PATJ: variants seen among roughly 807,000 people sequenced by gnomAD.
PATJ encodes inaD-like protein.
In PATJ, 190 loss-of-function variants were observed where a neutral mutation model predicts 224.9. That is an observed-to-expected ratio of 0.84 (90% CI 0.75 to 0.95). The LOEUF is 0.95. Ranked by LOEUF, PATJ falls within the 40% of genes least tolerant of loss-of-function variation. The pLI is 0.00. For synonymous variants in PATJ, 769 were observed against 820.3 expected (o/e 0.94, Z 1.07); for missense variants, 2,121 against 2,270.3 (o/e 0.93, Z 1.34).
chr1:61,805,369 A>G, intron 12 of PATJ, 79 bp from the exon 13 acceptor site: 1 of 853,860 alleles, frequency 1.2e-6, no homozygotes, highest in Non-Finnish European at 1.9e-6. Context: ...CTGTTATTGA[A>G]GAATTTAGCA....
intron 41 of PATJ, among the ~76,000 whole-genome samples, chr1:62,147,122 T>C (rs899280717): frequency 1.3e-5 from 2 of 152,138 alleles, no homozygotes; most frequent in Non-Finnish European, 2.9e-5. Context: ...AGGTACAGAT[T>C]CAGGGATTAT....
rs1028622581 is a variant in PATJ, at chr1:62,068,424, C to G, written c.4126-11026C>G. Among the ~76,000 whole-genome samples, 7 of 152,308 alleles carry G rather than the reference C, an allele frequency of 4.6e-5. No individual in the cohort carries two copies. The South Asian group carries it at 6.2e-4, about 14-fold the overall frequency. On this transcript the variant is annotated intron_variant, in intron 31 of 43. Transcript: ENST00000642238. The stretch of plus-strand genomic sequence containing the variant: ...AGAGGCCTGCTGCTGCCAGGGTTCT[C>G]TCTGTTTATCTGACTTTCCTCCTGC...
In PATJ at chr1:61,869,033, A is replaced by C. The variant is rs115432154; in HGVS notation, c.2835+4400A>C. On this transcript the variant is annotated intron_variant, in intron 20 of 43. Coordinates refer to ENST00000642238, the MANE Select transcript of PATJ (RefSeq NM_001350145.3). The stretch of plus-strand genomic sequence containing the variant: ...AGGGAGGGCAGAAAAAGCTTCTATG[A>C]GAAGAACAACTAGGTTTGTTTAGGA... Among the ~76,000 whole-genome samples, 329 of 152,190 alleles carry C rather than the reference A, an allele frequency of 2.2e-3. 2 individuals carry two copies. Among genetic ancestry groups the C allele is most frequent in the African/African-American group, 7.8e-3 (322 of 41,542 alleles).
Position 62,148,276 on chromosome 1 carries a change from T to C in PATJ, c.5272-8T>C. ...TAATGAAATACCTTTTTTTCACTTT[T>C]TCCCCAGGTTGTAGCAGATACCAAT... is the stretch of plus-strand genomic sequence containing the variant. On this transcript the variant is annotated splice_polypyrimidine_tract_variant and splice_region_variant and intron_variant, in intron 41 of 43. Transcript: ENST00000642238. 1 of 1,603,952 alleles carries C rather than the reference T, an allele frequency of 6.2e-7. No individual in the cohort carries two copies. The highest frequency in any genetic ancestry group is 8.5e-7 in the Non-Finnish European group (1 of 1,170,904).
chr1:62,131,514 A>T (rs1233725429), intron 41 of PATJ, among the ~76,000 whole-genome samples: 1 of 152,040 alleles, frequency 6.6e-6, no homozygotes, highest in East Asian at 1.9e-4. Flanking sequence ...CAGGTGTGGT[A>T]GCGCATGCCT....
At chr1:61,750,079 G>A (rs929158153) in intron 1 of PATJ, among the ~76,000 whole-genome samples, 2 of 152,218 alleles carry the variant, frequency 1.3e-5, no homozygotes, top group African/African-American at 2.4e-5. Flanking sequence ...TGTAAACCAG[G>A]ACAATGTGTG....
chr1:62,040,858 A>C (rs566340507), intron 30 of PATJ, among the ~76,000 whole-genome samples: 1 of 152,286 alleles, frequency 6.6e-6, no homozygotes, highest in East Asian at 1.9e-4. Flanking sequence ...TTTTTTCTTC[A>C]ACCCTCATAG....
At chr1:62,073,277 G>A (rs1657748729) in intron 31 of PATJ, 3 of 985,316 alleles carry the variant, frequency 3.0e-6, no homozygotes, top group Non-Finnish European at 3.6e-6. Context: ...GCAAGTTGAT[G>A]CAAATATCTT....
chr1:62,085,823 TAAAA>T (rs781768840), intron 33 of PATJ, among the ~76,000 whole-genome samples: 1 of 118,656 alleles, frequency 8.4e-6, no homozygotes. Context: ...TGTCTCTGTT[TAAAA>T]AAAAAAAAAA....
chr1:61,936,147 C>T (rs944463189), intron 27 of PATJ, among the ~76,000 whole-genome samples: 1 of 152,024 alleles, frequency 6.6e-6, no homozygotes, highest in Admixed American at 6.6e-5. Flanking sequence ...AGGACATTTT[C>T]ATCACACTTC....
At chr1:61,978,035 T>A (rs1037189228) in intron 27 of PATJ, among the ~76,000 whole-genome samples, 2 of 151,960 alleles carry the variant, frequency 1.3e-5, no homozygotes, top group African/African-American at 4.8e-5. Context: ...AAAACATTAC[T>A]AATACCCAGA....
At chr1:62,040,211 C>T (rs113278436) in intron 30 of PATJ, among the ~76,000 whole-genome samples, 28,479 of 151,002 alleles carry the variant, frequency 0.19, 3,057 homozygotes, top group Non-Finnish European at 0.25. Flanking sequence ...CGGGTTCAAG[C>T]GATTCTTCTG....
intron 28 of PATJ, among the ~76,000 whole-genome samples, chr1:61,997,997 T>TATATATATATATATATATATATAA (rs1228165601): frequency 2.2e-4 from 24 of 110,972 alleles, no homozygotes; most frequent in Non-Finnish European, 3.5e-4. Context: ...TATGTATATA[T>TATATATATATATATATATATATAA]AATATATTAT....
intron 7 of PATJ, among the ~76,000 whole-genome samples, chr1:61,785,168 T>C (rs2148469328): frequency 6.6e-6 from 1 of 152,320 alleles, no homozygotes; most frequent in South Asian, 2.1e-4. Context: ...CACCTGGAAC[T>C]AGGAATTTGA....
chr1:61,794,717 G>T (rs1650677937), intron 9 of PATJ, among the ~76,000 whole-genome samples: 1 of 152,026 alleles, frequency 6.6e-6, no homozygotes, highest in African/African-American at 2.4e-5. Context: ...GCCAGGCGTG[G>T]TGACTCACAC....
chr1:61,770,374 A>C (rs963271139), intron 5 of PATJ, among the ~76,000 whole-genome samples: 3 of 152,150 alleles, frequency 2.0e-5, no homozygotes, highest in African/African-American at 7.2e-5. Flanking sequence ...TTAACATAAG[A>C]AGTTCAAGCC....
intron 39 of PATJ, 23 bp downstream of exon 39, chr1:62,123,081 T>C: frequency 1.9e-6 from 3 of 1,568,004 alleles, no homozygotes; most frequent in Non-Finnish European, 2.6e-6. Flanking sequence ...TTTTGCTGTA[T>C]GTATTTTTCT....
chr1:61,863,655 T>A (rs2148951753), intron 19 of PATJ, among the ~76,000 whole-genome samples: 1 of 152,330 alleles, frequency 6.6e-6, no homozygotes, highest in South Asian at 2.1e-4. Context: ...TTTAAAATAC[T>A]GTATTCATTC....
chr1:61,862,464 T>C (rs1035733943), intron 19 of PATJ, among the ~76,000 whole-genome samples: 1 of 152,212 alleles, frequency 6.6e-6, no homozygotes. Flanking sequence ...CCCGAAGTGC[T>C]GAGATTACAG....
Sources: allele counts gnomAD v4.1 joint callset (sites outside exome capture counted in the v4.1 genomes callset), GRCh38; gene constraint gnomAD v4.1.1; transcripts MANE v1.5; gene names NCBI Gene and HGNC (gene_info 2026-07-23, HGNC 2026-07-21).